ANKRD30A: variants seen among roughly 807,000 people sequenced by gnomAD.
ANKRD30A encodes ankyrin repeat domain-containing protein 30A.
ANKRD30A carries 170 observed loss-of-function variants against 166.3 expected under a neutral mutation model. That is an observed-to-expected ratio of 1.02 (90% CI 0.90 to 1.16). ANKRD30A has a LOEUF of 1.16. ANKRD30A is among the 50% of genes most tolerant of loss of function. The pLI is 0.00. For missense variants in ANKRD30A, 1,630 were observed against 1,518.0 expected (o/e 1.07, Z -1.23); for synonymous variants, 564 against 508.9 (o/e 1.11, Z -1.46).
rs71502270 is a variant in ANKRD30A, at chr10:37,189,886, G to A, written c.2512+329G>A. On this transcript the variant is annotated intron_variant, in intron 25 of 35. Transcript: ENST00000361713. ...CAGAGAGTATATGAAGGAACAAGAA[G>A]CAGGTTTATGTAATGGAGGATGATA... Among the ~76,000 whole-genome samples the A allele has an allele frequency of 4.1e-3, 622 of 151,838 alleles. 5 individuals carry two copies. Among genetic ancestry groups the A allele is most frequent in the Admixed American group, 6.4e-3 (98 of 15,238 alleles).
At chr10:37,208,132 C>A (rs1249997590) in intron 31 of ANKRD30A, among the ~76,000 whole-genome samples, 1 of 152,018 alleles carries the variant, frequency 6.6e-6, no homozygotes, top group African/African-American at 2.4e-5. Flanking sequence ...GGAAGCAGAG[C>A]CATTCATGAC....
chr10:37,165,261 A>T (rs2132607144), intron 18 of ANKRD30A, 106 bp downstream of exon 18: 1 of 1,084,668 alleles, frequency 9.2e-7, no homozygotes, highest in East Asian at 2.5e-5. Context: ...GTCACCCTCA[A>T]ATTATTTTTG....
At chr10:37,209,761 A>G (rs1343942528) in intron 31 of ANKRD30A, among the ~76,000 whole-genome samples, 1 of 152,104 alleles carries the variant, frequency 6.6e-6, no homozygotes, top group Non-Finnish European at 1.5e-5. Flanking sequence ...ACTTTTAACT[A>G]TGACTTAATC....
At chr10:37,132,499 T>G (rs553381629) in intron 4 of ANKRD30A, among the ~76,000 whole-genome samples, 153 bp downstream of exon 4, 1 of 152,342 alleles carries the variant, frequency 6.6e-6, no homozygotes, top group South Asian at 2.1e-4. Flanking sequence ...TTATTTGGAC[T>G]GGTCAACATA....
intron 31 of ANKRD30A, among the ~76,000 whole-genome samples, chr10:37,206,517 C>T (rs534256831): frequency 3.3e-5 from 5 of 152,192 alleles, no homozygotes; most frequent in South Asian, 4.2e-4. Flanking sequence ...AGGCTGGGCC[C>T]GGTGGCTCAT....
chr10:37,194,999 A>G (rs984005914), intron 27 of ANKRD30A, among the ~76,000 whole-genome samples: 1 of 152,164 alleles, frequency 6.6e-6, no homozygotes, highest in Admixed American at 6.5e-5. Context: ...AAATTATGAC[A>G]TTGTGACATG....
At chr10:37,193,766 T>G (rs528868146) in intron 27 of ANKRD30A, among the ~76,000 whole-genome samples, 103 of 152,152 alleles carry the variant, frequency 6.8e-4, no homozygotes, top group African/African-American at 2.3e-3. Flanking sequence ...ATGACTCTTG[T>G]CTAGACACGG....
At chr10:37,150,871 C>T (rs550209975) in intron 11 of ANKRD30A, among the ~76,000 whole-genome samples, 1 of 152,004 alleles carries the variant, frequency 6.6e-6, no homozygotes, top group African/African-American at 2.4e-5. Context: ...TAAAGTATTT[C>T]CTTGTGCAAT....
chr10:37,197,833 C>T (rs574979927), intron 29 of ANKRD30A, among the ~76,000 whole-genome samples: 17 of 151,974 alleles, frequency 1.1e-4, no homozygotes, highest in Non-Finnish European at 1.9e-4. Flanking sequence ...CGGTTTATTT[C>T]GGGGATCCCA....
intron 25 of ANKRD30A, among the ~76,000 whole-genome samples, chr10:37,192,212 A>G (rs1840644451): frequency 1.3e-5 from 2 of 151,676 alleles, no homozygotes; most frequent in South Asian, 2.1e-4. Context: ...GATTTTTGTA[A>G]TTTTAGTGGG....
downstream of ANKRD30A, among the ~76,000 whole-genome samples, chr10:37,233,536 A>T (rs1843543462): frequency 6.6e-6 from 1 of 152,122 alleles, no homozygotes; most frequent in Non-Finnish European, 1.5e-5. Flanking sequence ...AGTGCTATTT[A>T]TTTTTAGTAT....
At chr10:37,220,072 CA>C (rs1842834604) in intron 34 of ANKRD30A, among the ~76,000 whole-genome samples, 175 bp downstream of exon 34, 1 of 142,304 alleles carries the variant, frequency 7.0e-6, no homozygotes, top group African/African-American at 2.6e-5. Flanking sequence ...CTTACTATAT[CA>C]GCTTAGAAAC....
intron 34 of ANKRD30A, among the ~76,000 whole-genome samples, chr10:37,227,007 T>C (rs943450921): frequency 1.3e-5 from 2 of 151,952 alleles, no homozygotes; most frequent in African/African-American, 4.8e-5. Context: ...CATTTTCTAA[T>C]TGGGCCATCT....
In ANKRD30A at chr10:37,130,310, T is replaced by G. The variant is rs1338787535; in HGVS notation, c.442T>G (p.Tyr148Asp). Reference protein sequence around the residue: ...YGNTALHYAVYSEILSVVAKL... With the variant: ...YGNTALHYAVDSEILSVVAKL... ...CAACACGGCTCTCCATTATGCTGTT[T>G]ATAGTGAGATTTTGTCAGTGGTGGC... The change falls in exon 3 of 36, where the codon TAT (tyrosine) becomes GAT (aspartate). Residue 148 changes from tyrosine (Y) to aspartate (D), a missense_variant. This residue lies in a region of ANKRD30A where 904 missense variants were observed against 818.5 expected (regional missense o/e 1.10). Coordinates refer to ENST00000361713, the MANE Select transcript of ANKRD30A (RefSeq NM_052997.3). The G allele has an allele frequency of 6.2e-7, 1 of 1,600,220 alleles. No homozygotes were observed.
the ANKRD30A span, among the ~76,000 whole-genome samples, chr10:37,256,087 G>A: frequency 4.6e-5 from 7 of 152,108 alleles, no homozygotes; most frequent in East Asian, 1.4e-3. Context: ...TTCAGACTCT[G>A]CACAGTGTCT....
chr10:37,139,245 C>G (rs750565649), intron 6 of ANKRD30A, among the ~76,000 whole-genome samples: 1 of 152,198 alleles, frequency 6.6e-6, no homozygotes, highest in Non-Finnish European at 1.5e-5. Flanking sequence ...GGTTGAGACA[C>G]ATAACCAGAT....
chr10:37,251,280 T>C, the ANKRD30A span, among the ~76,000 whole-genome samples: 1 of 152,166 alleles, frequency 6.6e-6, no homozygotes, highest in African/African-American at 2.4e-5. Flanking sequence ...TTTATAGGTG[T>C]GCTGATTTGC....
At chr10:37,179,277 T>C (rs1418445575) in intron 24 of ANKRD30A, among the ~76,000 whole-genome samples, 1 of 150,844 alleles carries the variant, frequency 6.6e-6, no homozygotes, top group African/African-American at 2.4e-5. Context: ...TAAATTGTTG[T>C]TATTCGTAGG....
At chr10:37,154,658 G>C (rs546075307) in intron 13 of ANKRD30A, among the ~76,000 whole-genome samples, 1 of 152,316 alleles carries the variant, frequency 6.6e-6, no homozygotes, top group African/African-American at 2.4e-5. Flanking sequence ...AAGAGCACAA[G>C]TCTAGAGATT....
Sources: allele counts gnomAD v4.1 joint callset (sites outside exome capture counted in the v4.1 genomes callset), GRCh38; gene constraint gnomAD v4.1.1; regional missense constraint gnomAD v4.1.1; transcripts MANE v1.5; gene names NCBI Gene and HGNC (gene_info 2026-07-23, HGNC 2026-07-21).